Variants in SHISA9 observed in about 807,000 individuals in gnomAD.
SHISA9 encodes the protein protein shisa-9.
A neutral mutation model predicts 38.0 loss-of-function variants in SHISA9; 13 were observed. The ratio of observed to expected loss-of-function variants is 0.34; its 90% CI spans 0.22 to 0.54. The LOEUF (loss-of-function observed/expected upper bound fraction) is 0.54, where lower values mean the gene tolerates loss of function less well. SHISA9 is among the 20% of genes least tolerant of loss of function. SHISA9 has a pLI of 0.91. For missense variants in SHISA9, 538 were observed against 575.8 expected, an observed-to-expected ratio of 0.93 and a Z score of 0.67; for synonymous variants, 275 against 242.0, an observed-to-expected ratio of 1.14 and a Z score of -1.27.
At chr16:13,152,915 C>T (rs1459392520) in intron 2 of SHISA9, among the ~76,000 whole-genome samples, 1 of 152,140 alleles carries the variant, frequency 6.6e-6, no homozygotes, top group East Asian at 1.9e-4. Context: ...GAAGATTTTC[C>T]TGGATTACCA....
chr16:13,467,310 C>G, the SHISA9 span, among the ~76,000 whole-genome samples: 3 of 152,168 alleles, frequency 2.0e-5, no homozygotes, highest in Non-Finnish European at 2.9e-5. Context: ...CTTTCTTTCT[C>G]TCTTTTTCCC....
chr16:13,305,355 T>A, the SHISA9 span, among the ~76,000 whole-genome samples: 1 of 152,244 alleles, frequency 6.6e-6, no homozygotes. Context: ...AATTTTCCAA[T>A]GACTGTGACT....
At chr16:13,298,201 C>A in the SHISA9 span, among the ~76,000 whole-genome samples, 4 of 152,156 alleles carry the variant, frequency 2.6e-5, no homozygotes, top group Non-Finnish European at 5.9e-5. Context: ...AACTCATCAA[C>A]CTTCCTGGTC....
At chr16:13,502,584 G>A in the SHISA9 span, among the ~76,000 whole-genome samples, 5 of 152,204 alleles carry the variant, frequency 3.3e-5, no homozygotes, top group Non-Finnish European at 7.4e-5. Context: ...AAATGCATTA[G>A]GAAAGACAGG....
downstream of SHISA9, among the ~76,000 whole-genome samples, chr16:13,243,865 C>A (rs1312907514): frequency 6.6e-6 from 1 of 151,148 alleles, no homozygotes; most frequent in Admixed American, 6.6e-5. Flanking sequence ...CTCTGCCTCC[C>A]AGGTTCATGT....
intron 2 of SHISA9, among the ~76,000 whole-genome samples, chr16:12,988,147 C>A (rs1435803762): frequency 6.6e-6 from 1 of 152,234 alleles, no homozygotes; most frequent in African/African-American, 2.4e-5. Flanking sequence ...AGGCTCCAGT[C>A]CAGATGGACC....
chr16:13,473,843 T>C, the SHISA9 span, among the ~76,000 whole-genome samples: 2 of 152,232 alleles, frequency 1.3e-5, no homozygotes, highest in Admixed American at 1.3e-4. Flanking sequence ...TATTCTTGCA[T>C]CTGATTTTTT....
the SHISA9 span, among the ~76,000 whole-genome samples, chr16:13,531,264 C>T: frequency 1.3e-5 from 2 of 152,070 alleles, no homozygotes; most frequent in African/African-American, 4.8e-5. Context: ...CCTGGGACCC[C>T]AGTAAGGGCA....
At chr16:13,455,996 G>A in the SHISA9 span, among the ~76,000 whole-genome samples, 4 of 152,134 alleles carry the variant, frequency 2.6e-5, no homozygotes, top group Admixed American at 6.6e-5. Flanking sequence ...TGGCTACCTT[G>A]GGCTAAGGAC....
the SHISA9 span, among the ~76,000 whole-genome samples, chr16:13,503,611 C>T: frequency 6.6e-6 from 1 of 151,908 alleles, no homozygotes. Context: ...TTAGATGGGC[C>T]CCTACCACTT....
intron 4 of SHISA9, among the ~76,000 whole-genome samples, chr16:13,214,952 T>A (rs1057443134): frequency 7.0e-6 from 1 of 143,836 alleles, no homozygotes; most frequent in Non-Finnish European, 1.5e-5. Context: ...GTTGTGGCCA[T>A]TTTTTTTTTG....
chr16:13,254,023 T>A, the SHISA9 span, among the ~76,000 whole-genome samples: 2 of 152,350 alleles, frequency 1.3e-5, no homozygotes, highest in South Asian at 4.1e-4. Context: ...TTAGGGCTAC[T>A]GCACACTTCA....
At chr16:12,952,591 G>A (rs1271652252) in intron 2 of SHISA9, among the ~76,000 whole-genome samples, 1 of 152,212 alleles carries the variant, frequency 6.6e-6, no homozygotes, top group African/African-American at 2.4e-5. Context: ...CCTGGTGGGA[G>A]GTGATTGGAT....
At chr16:13,094,090 T>C (rs1241594160) in intron 2 of SHISA9, among the ~76,000 whole-genome samples, 1 of 152,122 alleles carries the variant, frequency 6.6e-6, no homozygotes. Flanking sequence ...CCATTCTCTC[T>C]TTGTCCTTTG....
chr16:13,129,551 G>A (rs1280115210), intron 2 of SHISA9, among the ~76,000 whole-genome samples: 1 of 152,144 alleles, frequency 6.6e-6, no homozygotes, highest in African/African-American at 2.4e-5. Context: ...GAGAAGCCTG[G>A]TACATCTGGT....
chr16:13,066,609 C>T (rs191348895), intron 2 of SHISA9, among the ~76,000 whole-genome samples: 3 of 152,300 alleles, frequency 2.0e-5, no homozygotes, highest in African/African-American at 7.2e-5. Flanking sequence ...ATAAGCCTCA[C>T]ATTCTTTATC....
At chr16:13,105,254 T>C (rs1359044801) in intron 2 of SHISA9, among the ~76,000 whole-genome samples, 1 of 152,218 alleles carries the variant, frequency 6.6e-6, no homozygotes, top group Non-Finnish European at 1.5e-5. Flanking sequence ...GGGTTTCTTT[T>C]ATTTTGGAAA....
the SHISA9 span, among the ~76,000 whole-genome samples, chr16:13,379,593 A>G: frequency 6.6e-6 from 1 of 152,200 alleles, no homozygotes; most frequent in Middle Eastern, 3.2e-3. Flanking sequence ...TGTGAACACA[A>G]CCGGGGTAAT....
the SHISA9 span, among the ~76,000 whole-genome samples, chr16:13,469,315 AGAGAG>A: frequency 9.2e-6 from 1 of 109,170 alleles, no homozygotes; most frequent in Non-Finnish European, 1.8e-5. Context: ...AGAGAGAGAG[AGAGAG>A]AGAAAGAAAG....
Sources: allele counts gnomAD v4.1 joint callset (sites outside exome capture counted in the v4.1 genomes callset), GRCh38; gene constraint gnomAD v4.1.1; transcripts MANE v1.5; gene names NCBI Gene and HGNC (gene_info 2026-07-23, HGNC 2026-07-21).